ZNF565: variants seen among roughly 807,000 people sequenced by gnomAD.
ZNF565 encodes zinc finger protein 565.
ZNF565 carries 27 observed loss-of-function variants against 39.4 expected under a neutral mutation model. The ratio of observed to expected loss-of-function variants is 0.69; its 90% CI spans 0.51 to 0.95. The LOEUF is 0.95. ZNF565 is among the 40% of genes least tolerant of loss of function. ZNF565 has a pLI of 0.00. For missense variants in ZNF565, 524 were observed against 621.1 expected (o/e 0.84, Z 1.66); for synonymous variants, 185 against 216.6 (o/e 0.85, Z 1.28).
rs1222873155 is a variant in ZNF565, at chr19:36,199,361, C to T, written c.9+2616G>A. ...CCCCCTTCCTAAAGGTCTCACAAAA[C>T]AGATGTTACCACATACAGAGACCAA... On this transcript the variant is annotated intron_variant, in intron 2 of 4. Transcript: ENST00000304116. 3.9e-5 allele frequency among the ~76,000 whole-genome samples: 6 copies of T among 152,128 alleles called. No individual in the cohort carries two copies. The East Asian group carries it at 1.2e-3, about 29-fold the overall frequency.
intron 2 of ZNF565, 145 bp from the exon 3 acceptor site, chr19:36,195,301 G>T (rs1370976513): frequency 8.2e-6 from 8 of 971,412 alleles, no homozygotes; most frequent in Non-Finnish European, 1.2e-5. Flanking sequence ...AGTTAACAAG[G>T]TGTACCCTGT....
At chr19:36,190,520 G>A (rs538188346) in intron 4 of ZNF565, among the ~76,000 whole-genome samples, 107 of 151,260 alleles carry the variant, frequency 7.1e-4, no homozygotes, top group African/African-American at 2.6e-3. Context: ...AAGTTGCGAT[G>A]AGCGGAGATC....
At chr19:36,214,764 C>G (rs1161512953), upstream of ZNF565, 6 of 152,688 alleles carry the variant, frequency 3.9e-5, no homozygotes, top group Non-Finnish European at 8.8e-5. Flanking sequence ...ATGGCGTTCT[C>G]TTATCTCTGA....
chr19:36,245,406 G>A lies in ZNF565; in HGVS notation c.55+70C>T. On this transcript the variant is annotated intron_variant, in intron 1 of 4. Coordinates refer to the ZNF565 transcript ENST00000355114. This position sits in a 1 kb window ranked among gnomAD's most constrained non-coding sequence, Gnocchi z 4.4. Reference sequence around the variant, plus strand: ...CAGTCACTGCGACCCGGAAAGCTCCGCGCTTACGACGCCCACCCAGAAAAT... The same window carrying A: ...CAGTCACTGCGACCCGGAAAGCTCCACGCTTACGACGCCCACCCAGAAAAT... 1 of 700,782 alleles carries A rather than the reference G, an allele frequency of 1.4e-6. No individual in the cohort carries two copies. The highest frequency in any genetic ancestry group is 2.6e-6 in the Non-Finnish European group (1 of 383,934). 43.4% of individuals were successfully genotyped at this position (700,782 alleles called of 1,614,324 possible). A position where few individuals can be genotyped will look rare whatever the true frequency, so the allele number is the denominator to read the frequency against.
chr19:36,184,079 T>TAAAAAAAA (rs752744030), intron 4 of ZNF565, among the ~76,000 whole-genome samples: 2 of 39,242 alleles, frequency 5.1e-5, no homozygotes, highest in Admixed American at 4.8e-4. Flanking sequence ...CTCTGTCTCA[T>TAAAAAAAA]AAAAAAAAAA....
At chr19:36,208,247 T>C (rs1386667865) in intron 1 of ZNF565, among the ~76,000 whole-genome samples, 2 of 149,094 alleles carry the variant, frequency 1.3e-5, no homozygotes, top group Admixed American at 1.4e-4. Flanking sequence ...AGGATCTCAC[T>C]CTCACCCAGG....
At chr19:36,236,343 A>C in intron 1 of ZNF565, 1 of 1,389,414 alleles carries the variant, frequency 7.2e-7, no homozygotes, top group Non-Finnish European at 9.7e-7. Flanking sequence ...TATAAATGTA[A>C]GAGATGTGGA....
chr19:36,215,003 C>T (rs1159103518), upstream of ZNF565: 1 of 152,306 alleles, frequency 6.6e-6, no homozygotes, highest in East Asian at 1.9e-4. Flanking sequence ...TGAGAAGCGA[C>T]GTTGCTGGTA....
At chr19:36,215,696 C>A (rs1266092259), upstream of ZNF565, among the ~76,000 whole-genome samples, 1 of 151,796 alleles carries the variant, frequency 6.6e-6, no homozygotes, top group Non-Finnish European at 1.5e-5. Flanking sequence ...TTCGAAGGAA[C>A]TTTAGTTTCG....
upstream of ZNF565, among the ~76,000 whole-genome samples, chr19:36,216,188 A>G (rs1477638533): frequency 6.6e-6 from 1 of 152,244 alleles, no homozygotes; most frequent in Non-Finnish European, 1.5e-5. Flanking sequence ...AATATTTACA[A>G]TAGCAGTAAA....
chr19:36,232,662 G>A (rs1977437164), intron 1 of ZNF565, among the ~76,000 whole-genome samples: 1 of 147,370 alleles, frequency 6.8e-6, no homozygotes, highest in East Asian at 2.0e-4. Context: ...AGGCTGGAGT[G>A]CAGTGGTGCG....
intron 1 of ZNF565, chr19:36,236,581 C>T (rs747524610): frequency 1.7e-5 from 27 of 1,613,934 alleles, no homozygotes; most frequent in African/African-American, 2.7e-5. Flanking sequence ...TTGAATGTAA[C>T]GAGTGTGGAA....
At chr19:36,186,499 C>T (rs942116819) in intron 4 of ZNF565, among the ~76,000 whole-genome samples, 3 of 152,166 alleles carry the variant, frequency 2.0e-5, no homozygotes, top group Non-Finnish European at 4.4e-5. Context: ...ACCATTGAAA[C>T]CAACCCAGCT....
intron 2 of ZNF565, among the ~76,000 whole-genome samples, chr19:36,196,355 C>A (rs1975760984): frequency 1.3e-5 from 2 of 152,168 alleles, no homozygotes. Context: ...GGATTACAGG[C>A]CTGAGCCACT....
chr19:36,244,953 C>T (rs2029882845), intron 1 of ZNF565, among the ~76,000 whole-genome samples: 1 of 151,864 alleles, frequency 6.6e-6, no homozygotes, highest in African/African-American at 2.4e-5. Context: ...ATCTTGTTGA[C>T]GGTCAGTTTT....
upstream of ZNF565, among the ~76,000 whole-genome samples, chr19:36,217,389 G>A (rs1213321982): frequency 1.3e-5 from 2 of 151,816 alleles, no homozygotes; most frequent in African/African-American, 4.8e-5. Context: ...AGAAAGAAAG[G>A]AGAGAGAGAG....
chr19:36,213,117 T>C (rs552231515), intron 1 of ZNF565: 1 of 152,448 alleles, frequency 6.6e-6, no homozygotes, highest in East Asian at 1.9e-4. Context: ...GAATCTGTCC[T>C]AACTTCAAAG....
chr19:36,243,661 G>GGA (rs1394471853), intron 1 of ZNF565, among the ~76,000 whole-genome samples: 1 of 151,968 alleles, frequency 6.6e-6, no homozygotes, highest in African/African-American at 2.4e-5. Context: ...TCCAGCCAGA[G>GGA]GAGTCCAAAA....
intron 1 of ZNF565, among the ~76,000 whole-genome samples, chr19:36,229,555 C>T (rs1977232374): frequency 6.6e-6 from 1 of 152,104 alleles, no homozygotes; most frequent in Non-Finnish European, 1.5e-5. Context: ...CACGTATATC[C>T]TTCTTGAGGT....
Sources: gnomAD v4.1 joint callset for allele counts (sites outside exome capture counted in the v4.1 genomes callset) on GRCh38, gnomAD v4.1.1 for gene constraint, Gnocchi (gnomAD v3.1) non-coding constraint, MANE v1.5 for transcripts, NCBI Gene and HGNC (gene_info 2026-07-23, HGNC 2026-07-21) for gene names.